Variants in SLC24A2 observed in about 807,000 individuals in gnomAD.
The protein encoded by SLC24A2 is solute carrier family 24 member 2, also known as sodium/potassium/calcium exchanger 2.
Under a neutral mutation model 62.0 loss-of-function variants are expected in SLC24A2, and 36 were observed. That is an observed-to-expected ratio of 0.58 (90% CI 0.44 to 0.77). SLC24A2 has a LOEUF of 0.77. SLC24A2 is among the 30% of genes least tolerant of loss of function. The probability of loss-of-function intolerance (pLI) is 0.00; values close to 1 mark genes in which losing one functional copy is unlikely to be tolerated. For synonymous variants in SLC24A2, 358 were observed against 294.0 expected (o/e 1.22, Z -2.23); for missense variants, 846 against 817.9 (o/e 1.03, Z -0.42).
intron 4 of SLC24A2, among the ~76,000 whole-genome samples, chr9:19,615,723 A>T (rs1195479261): frequency 6.6e-6 from 1 of 152,134 alleles, no homozygotes; most frequent in East Asian, 1.9e-4. Context: ...AGGTGCCTGG[A>T]TTCAGGAGGC....
chr9:20,108,117 A>G, the SLC24A2 span, among the ~76,000 whole-genome samples: 2 of 152,256 alleles, frequency 1.3e-5, no homozygotes, highest in South Asian at 2.1e-4. Flanking sequence ...ATCGCTGGCC[A>G]TCAGAGAAAT....
At chr9:20,298,359 G>A in the SLC24A2 span, among the ~76,000 whole-genome samples, 1 of 152,152 alleles carries the variant, frequency 6.6e-6, no homozygotes. Context: ...CTCCCAAGTA[G>A]CCAGGATTAC....
At chr9:20,115,376 G>A in the SLC24A2 span, among the ~76,000 whole-genome samples, 2 of 152,102 alleles carry the variant, frequency 1.3e-5, no homozygotes, top group Non-Finnish European at 2.9e-5. Context: ...ACTACCCTCA[G>A]TCAGATACGG....
At chr9:19,777,135 AGC>A (rs1822869173) in intron 2 of SLC24A2, among the ~76,000 whole-genome samples, 1 of 152,238 alleles carries the variant, frequency 6.6e-6, no homozygotes, top group African/African-American at 2.4e-5. Flanking sequence ...AGTGATTCTC[AGC>A]ATATATTTGT....
the SLC24A2 span, among the ~76,000 whole-genome samples, chr9:19,823,231 C>T: frequency 1.3e-5 from 2 of 151,970 alleles, no homozygotes; most frequent in African/African-American, 4.8e-5. Flanking sequence ...TTCAGATTTA[C>T]AGAAAAGTTG....
the SLC24A2 span, chr9:19,895,735 G>C: frequency 1.4e-6 from 2 of 1,402,834 alleles, no homozygotes; most frequent in South Asian, 1.3e-5. Flanking sequence ...GTCGAGGCTG[G>C]AGTCAAGGGG....
the SLC24A2 span, among the ~76,000 whole-genome samples, chr9:20,149,363 C>A: frequency 1.3e-5 from 2 of 151,908 alleles, no homozygotes; most frequent in Admixed American, 6.6e-5. Flanking sequence ...ATATATTAAC[C>A]TGAATTTGAT....
At chr9:20,179,646 C>T in the SLC24A2 span, among the ~76,000 whole-genome samples, 3 of 152,102 alleles carry the variant, frequency 2.0e-5, no homozygotes, top group Non-Finnish European at 2.9e-5. Flanking sequence ...AAGAAGCCTT[C>T]AAAGACAGTG....
In SLC24A2 at chr9:19,542,725, T is replaced by G. The variant is rs564486121; in HGVS notation, c.1479+7412A>C. Among the ~76,000 whole-genome samples the G allele has an allele frequency of 4.6e-5, 7 of 152,322 alleles. No individual in the cohort carries two copies. The East Asian group carries it at 1.2e-3, about 25-fold the overall frequency. On this transcript the variant is annotated intron_variant, in intron 8 of 10. Transcript: ENST00000341998. ...CTTTTTGTCATTGGTTCTGTGTATG[T>G]GATGGATTACATTTATTGATTTGCA...
At chr9:20,295,449 G>A in the SLC24A2 span, among the ~76,000 whole-genome samples, 1 of 152,160 alleles carries the variant, frequency 6.6e-6, no homozygotes, top group Non-Finnish European at 1.5e-5. Flanking sequence ...TAACTTGACA[G>A]AATTAAGGAA....
At chr9:20,012,293 C>A in the SLC24A2 span, among the ~76,000 whole-genome samples, 3 of 152,252 alleles carry the variant, frequency 2.0e-5, no homozygotes, top group Non-Finnish European at 4.4e-5. Flanking sequence ...TCTCACATGG[C>A]AGCAGACAAG....
chr9:19,549,306 T>A (rs542171913), intron 8 of SLC24A2, among the ~76,000 whole-genome samples: 4 of 152,186 alleles, frequency 2.6e-5, no homozygotes, highest in African/African-American at 9.7e-5. Flanking sequence ...TTGCAAATTC[T>A]TTGACACTCT....
the SLC24A2 span, among the ~76,000 whole-genome samples, chr9:19,805,227 T>C: frequency 6.6e-6 from 1 of 152,184 alleles, no homozygotes; most frequent in Non-Finnish European, 1.5e-5. Context: ...TCATATTGAC[T>C]TACCCTCTTT....
At chr9:19,576,840 C>T (rs1429608524) in intron 6 of SLC24A2, 84 bp downstream of exon 6, 10 of 975,672 alleles carry the variant, frequency 1.0e-5, no homozygotes, top group African/African-American at 1.6e-5. Flanking sequence ...TGCACTGAGT[C>T]AGGGGTGCCC....
the SLC24A2 span, among the ~76,000 whole-genome samples, chr9:19,796,270 A>T: frequency 6.1e-5 from 9 of 148,140 alleles, no homozygotes; most frequent in East Asian, 5.9e-4. Context: ...TTAAAGTATA[A>T]AAAAAAAAAA....
chr9:19,985,787 C>A, the SLC24A2 span, among the ~76,000 whole-genome samples: 1 of 151,952 alleles, frequency 6.6e-6, no homozygotes, highest in African/African-American at 2.4e-5. Flanking sequence ...AAAAAGTGAA[C>A]CAATGACTTA....
the SLC24A2 span, among the ~76,000 whole-genome samples, chr9:19,948,738 G>A: frequency 6.6e-6 from 1 of 150,552 alleles, no homozygotes; most frequent in Admixed American, 6.6e-5. Context: ...CCAGCTACTC[G>A]GGAGGCTGAG....
At chr9:19,950,427 T>C in the SLC24A2 span, among the ~76,000 whole-genome samples, 1 of 152,108 alleles carries the variant, frequency 6.6e-6, no homozygotes, top group Non-Finnish European at 1.5e-5. Context: ...ATAGAGAGAC[T>C]TTGTAACCAC....
the SLC24A2 span, among the ~76,000 whole-genome samples, chr9:19,978,278 C>T: frequency 2.0e-5 from 3 of 152,036 alleles, no homozygotes; most frequent in African/African-American, 7.2e-5. Flanking sequence ...CCATCTTTAG[C>T]AAAAGGACAG....
Sources: allele counts gnomAD v4.1 joint callset (sites outside exome capture counted in the v4.1 genomes callset), GRCh38; gene constraint gnomAD v4.1.1; transcripts MANE v1.5; gene names NCBI Gene and HGNC (gene_info 2026-07-23, HGNC 2026-07-21).